The following CEACAM7 variants were observed in gnomAD, a reference collection of about 807,000 sequenced individuals.
The protein encoded by CEACAM7 is cell adhesion molecule CEACAM7.
In CEACAM7, 24 loss-of-function variants were observed where a neutral mutation model predicts 25.7. That is an observed-to-expected ratio of 0.93 (90% CI 0.68 to 1.31). CEACAM7 has a LOEUF of 1.31. CEACAM7 is among the 40% of genes most tolerant of loss of function. The pLI is 0.00. For synonymous variants in CEACAM7, 144 were observed against 129.4 expected (o/e 1.11, Z -0.77); for missense variants, 324 against 330.1 (o/e 0.98, Z 0.14).
intron 2 of CEACAM7, among the ~76,000 whole-genome samples, chr19:41,684,905 CACA>C (rs782750285): frequency 3.3e-5 from 5 of 152,218 alleles, no homozygotes; most frequent in Non-Finnish European, 7.3e-5. Flanking sequence ...CCTACGGAAA[CACA>C]ACAAGAGTTT....
intron 3 of CEACAM7, among the ~76,000 whole-genome samples, chr19:41,678,424 TTTC>T (rs1457714947): frequency 1.3e-5 from 2 of 152,116 alleles, no homozygotes; most frequent in Non-Finnish European, 2.9e-5. Flanking sequence ...TCTGCATCTG[TTTC>T]TTCTTTATTT....
rs138024912 is a variant in CEACAM7 at position 41,686,890 on chromosome 19, A to T, written c.396T>A (p.Asn132Lys). 1.3e-6 allele frequency: 2 copies of T among 1,532,934 alleles called. No homozygotes were observed. The highest frequency in any genetic ancestry group is 1.3e-5 in the South Asian group (1 of 76,056). The allele number at this position is 1,532,934 out of a possible 1,614,324, so 95.0% of individuals were successfully genotyped here. A position where few individuals can be genotyped will look rare whatever the true frequency, so the allele number is the denominator to read the frequency against. ...CGTAGAATTGTCTGGTTACTTCTTCATTCACAAGATTTTCTTTTATAACGT... is the reference window on the plus strand; with the variant it reads ...CGTAGAATTGTCTGGTTACTTCTTCTTTCACAAGATTTTCTTTTATAACGT... ...TLHVIKENLV[N>K]EEVTRQFYVF... The change falls in exon 2 of 5, where the codon AAT becomes AAA. Residue 132 changes from asparagine to lysine, a missense_variant. Physicochemically the swap from Asn to Lys is moderately conservative, Grantham distance 94 (BLOSUM62 0). Coordinates refer to ENST00000401731, the MANE Select transcript of CEACAM7 (RefSeq NM_001291485.2).
At position 41,674,564 on chromosome 19, in the gene CEACAM7, T is replaced by A. The variant is rs782452302; in HGVS notation, c.*212A>T. ...ATTTGAGTGTCTCTAGTTATGGTGT[T>A]GAACATTTTGGTTAGCTCTGAGTGG... On this transcript the variant is annotated 3_prime_UTR_variant, in exon 5 of 5. Transcript: ENST00000401731. The A allele has an allele frequency of 3.9e-6, 1 of 253,360 alleles. No homozygotes were observed. Among genetic ancestry groups the A allele is most frequent in the Admixed American group, 4.9e-5 (1 of 20,452 alleles). 15.7% of individuals were successfully genotyped at this position (253,360 alleles called of 1,614,324 possible).
rs1555810205 is a variant in CEACAM7, at chr19:41,677,247, G to A, written c.*36+129C>T. ...AGAGACCTGCAGGAATTAGTGCTTA[G>A]AAGCAGGAGTTTAGTGGGAGGAGGA... On this transcript the variant is annotated intron_variant, in intron 4 of 4. Coordinates refer to ENST00000401731, the MANE Select transcript of CEACAM7 (RefSeq NM_001291485.2). 5.2e-5 allele frequency: 30 copies of A among 572,332 alleles called. 1 individual carries two copies. The highest frequency in any genetic ancestry group is 4.8e-5 in the Non-Finnish European group (15 of 314,822). 35.5% of individuals were successfully genotyped at this position (572,332 alleles called of 1,614,324 possible). A position where few individuals can be genotyped will look rare whatever the true frequency, so the allele number is the denominator to read the frequency against.
chr19:41,678,831 G>T (rs782513135), intron 3 of CEACAM7, among the ~76,000 whole-genome samples: 17 of 152,116 alleles, frequency 1.1e-4, no homozygotes, highest in Non-Finnish European at 4.4e-5. Flanking sequence ...TGTGAAACAG[G>T]CACTCTTATT....
chr19:41,679,050 T>C (rs2072146024), intron 3 of CEACAM7, among the ~76,000 whole-genome samples: 1 of 151,672 alleles, frequency 6.6e-6, no homozygotes, highest in Admixed American at 6.6e-5. Context: ...AGAAAAACAA[T>C]AGAGAAAAGC....
rs782235253 is a variant in CEACAM7 at position 41,677,499 on chromosome 19, C to T, written c.711G>A (p.Glu237=). The T allele has an allele frequency of 1.2e-6, 2 of 1,612,156 alleles. No homozygotes were observed. Among genetic ancestry groups the T allele is most frequent in the East Asian group, 2.2e-5 (1 of 44,874 alleles). The change falls in exon 4 of 5, where the codon GAG becomes GAA. Residue 237 remains glutamate, a synonymous_variant. Transcript: ENST00000401731. ...GGTCAGGTGAACTTGCTTGTACTGA[C>T]TCATCTGCCATGGAAAGAAAAGAGA... ...SDPVTLNVRY[E]SVQASSPDLS... is the part of the protein sequence containing the mutation.
At chr19:41,684,490 A>T (rs1357315264) in intron 2 of CEACAM7, among the ~76,000 whole-genome samples, 1 of 152,136 alleles carries the variant, frequency 6.6e-6, no homozygotes, top group East Asian at 1.9e-4. Flanking sequence ...TTTTCCAAGG[A>T]TATCCCAGAG....
Position 41,683,948 on chromosome 19 carries a change from T to C in CEACAM7, c.543A>G (p.Val181=). 1 of 1,614,218 alleles carries C rather than the reference T, an allele frequency of 6.2e-7. No homozygotes were observed. The highest frequency in any genetic ancestry group is 2.2e-5 in the East Asian group (1 of 44,886). The part of the protein sequence containing the change: ...ETQNTTYLWW[V]NNQSLLVSPR... ...GACTGACCAGGAGGCTCTGATTGTT[T>C]ACCCACCACAGGTAGGTTGTGTTCT... is the stretch of plus-strand genomic sequence containing the variant. The change falls in exon 3 of 5, where the codon GTA becomes GTG. Residue 181 remains valine (V), a synonymous_variant. Transcript: ENST00000401731.
At chr19:41,687,261 T>C in intron 1 of CEACAM7, 40 bp from the exon 2 acceptor site, 2 of 1,535,432 alleles carry the variant, frequency 1.3e-6, no homozygotes, top group Non-Finnish European at 1.7e-6. Flanking sequence ...TTGGGACCTA[T>C]GTATTGGGGT....
intron 3 of CEACAM7, among the ~76,000 whole-genome samples, chr19:41,679,801 CTTTT>C (rs34340713): frequency 3.6e-5 from 4 of 111,926 alleles, no homozygotes; most frequent in African/African-American, 1.1e-4. Flanking sequence ...CTCTCTCTCT[CTTTT>C]TTTTTTTTTT....
At position 41,688,222 on chromosome 19, in the gene CEACAM7, T is replaced by C. The variant is rs78147744; in HGVS notation, c.-57A>G. The C allele has an allele frequency of 4.9e-3, 7,815 of 1,585,936 alleles. 286 individuals are homozygous for C. The African/African-American group carries it at 0.086, about 17-fold the overall frequency. ...AAGAGCTTGGGCTCCAGGAACTCTCTTGTCAGGGCTGCTGTGACTGTCAGC... is the reference window on the plus strand; with the variant it reads ...AAGAGCTTGGGCTCCAGGAACTCTCCTGTCAGGGCTGCTGTGACTGTCAGC... On this transcript the variant is annotated 5_prime_UTR_variant, in exon 1 of 5. Transcript: ENST00000401731.
Position 41,673,740 on chromosome 19 carries a change from T to A in CEACAM7, c.*1036A>T, listed in dbSNP as rs2072087276. ...ACTGTCAGTTACCATCATTTTGGACTTCCATCATTCATAGGTTATGATGTC... is the reference window on the plus strand; with the variant it reads ...ACTGTCAGTTACCATCATTTTGGACATCCATCATTCATAGGTTATGATGTC... On this transcript the variant is annotated 3_prime_UTR_variant, in exon 5 of 5. Coordinates refer to ENST00000401731, the MANE Select transcript of CEACAM7 (RefSeq NM_001291485.2). The A allele has an allele frequency of 6.6e-6, 1 of 152,262 alleles. No homozygotes were observed. Among genetic ancestry groups the A allele is most frequent in the Non-Finnish European group, 1.5e-5 (1 of 68,040 alleles). The allele number at this position is 152,262 out of a possible 1,614,324, so 9.4% of individuals were successfully genotyped here. A position where few individuals can be genotyped will look rare whatever the true frequency, so the allele number is the denominator to read the frequency against.
In CEACAM7 at chr19:41,684,079, A is replaced by G. The variant is rs782460812; in HGVS notation, c.428-16T>C. ...GGTGGCTCCGCTGTGCAGATAAGAG[A>G]GAGAAAAGATTGCCCTGTGTGGCCC... On this transcript the variant is annotated splice_polypyrimidine_tract_variant and intron_variant, in intron 2 of 4. Coordinates refer to ENST00000401731, the MANE Select transcript of CEACAM7 (RefSeq NM_001291485.2). 3 of 1,603,354 alleles carry G rather than the reference A, an allele frequency of 1.9e-6. No individual in the cohort carries two copies. Among genetic ancestry groups the G allele is most frequent in the East Asian group, 4.5e-5 (2 of 44,590 alleles).
At chr19:41,687,963 C>T in intron 1 of CEACAM7, 139 bp downstream of exon 1, 3 of 538,508 alleles carry the variant, frequency 5.6e-6, no homozygotes, top group South Asian at 3.5e-5. Flanking sequence ...TTCTGGTTTC[C>T]TGTCCCTGTC....
intron 3 of CEACAM7, among the ~76,000 whole-genome samples, chr19:41,681,060 T>C (rs1004497673): frequency 3.3e-5 from 5 of 152,106 alleles, no homozygotes; most frequent in African/African-American, 7.2e-5. Flanking sequence ...AAAGAACTAA[T>C]ATAACTCAAC....
chr19:41,674,590 C>A lies in CEACAM7; in HGVS notation c.*186G>T. 1 of 317,326 alleles carries A rather than the reference C, an allele frequency of 3.2e-6. No individual in the cohort carries two copies. Among genetic ancestry groups the A allele is most frequent in the Non-Finnish European group, 6.2e-6 (1 of 162,094 alleles). The allele number at this position is 317,326 out of a possible 1,614,324, so 19.7% of individuals were successfully genotyped here. ...GAACATTTTGGTTAGCTCTGAGTGG[C>A]CCACATCTCAGGCATGAGGGTTTTT... On this transcript the variant is annotated 3_prime_UTR_variant, in exon 5 of 5. Coordinates refer to ENST00000401731, the MANE Select transcript of CEACAM7 (RefSeq NM_001291485.2).
intron 3 of CEACAM7, among the ~76,000 whole-genome samples, chr19:41,682,490 G>C (rs1236517062): frequency 3.3e-5 from 5 of 152,194 alleles, no homozygotes; most frequent in African/African-American, 1.2e-4. Context: ...CACAGTTCAA[G>C]AGTCTGCCCC....
intron 3 of CEACAM7, among the ~76,000 whole-genome samples, chr19:41,678,310 CATGTATATGTAT>C (rs55633841): frequency 0.14 from 19,936 of 144,632 alleles, 1,445 homozygotes; most frequent in Non-Finnish European, 0.17. Context: ...CTGTTTCTCC[CATGTATATGTAT>C]ATGTATATGT....
Sources: allele counts gnomAD v4.1 joint callset (sites outside exome capture counted in the v4.1 genomes callset), GRCh38; gene constraint gnomAD v4.1.1; transcripts MANE v1.5; gene names NCBI Gene and HGNC (gene_info 2026-07-23, HGNC 2026-07-21).